Variants in CROCC2 observed in about 807,000 individuals in gnomAD.
CROCC2 encodes ciliary rootlet coiled-coil, rootletin family member 2.
CROCC2 carries 163 observed loss-of-function variants against 177.6 expected under a neutral mutation model. That is an observed-to-expected ratio of 0.92 (90% CI 0.81 to 1.05). The LOEUF (loss-of-function observed/expected upper bound fraction) is 1.05. CROCC2 is among the 50% of genes least tolerant of loss of function. CROCC2 has a pLI of 0.00. For missense variants in CROCC2, 1,929 were observed against 1,797.8 expected, an observed-to-expected ratio of 1.07 and a Z score of -1.32; for synonymous variants, 904 against 787.3, an observed-to-expected ratio of 1.15 and a Z score of -2.48.
In CROCC2 at chr2:240,911,159, A is replaced by T. The variant is rs117533493; in HGVS notation, c.78+4568A>T. Among the ~76,000 whole-genome samples, 1,979 of 152,172 alleles carry T rather than the reference A, an allele frequency of 0.013. 103 individuals carry two copies. The East Asian group carries it at 0.16, about 12-fold the overall frequency. ...AAAAATAAAATAAATTTTTAAAAAA[A>T]TTTTTCATTTTTCTTTAAATTGTGG... On this transcript the variant is annotated intron_variant, in intron 1 of 31. Transcript: ENST00000690015.
chr2:240,913,156 T>C (rs552822835), intron 1 of CROCC2, among the ~76,000 whole-genome samples: 1 of 152,134 alleles, frequency 6.6e-6, no homozygotes, highest in East Asian at 1.9e-4. Flanking sequence ...CACAGAACAT[T>C]TGAGGCCCTC....
At chr2:240,943,798 T>C (rs1217484044) in intron 14 of CROCC2, among the ~76,000 whole-genome samples, 2 of 152,176 alleles carry the variant, frequency 1.3e-5, no homozygotes, top group African/African-American at 4.8e-5. Context: ...TATTCTTGGA[T>C]ACTGAGGCTC....
chr2:240,966,022 C>G (rs537820835), intron 24 of CROCC2, 29 bp downstream of exon 24: 1 of 1,327,614 alleles, frequency 7.5e-7, no homozygotes, highest in Non-Finnish European at 9.6e-7. Flanking sequence ...GGCAGGCGGG[C>G]CCCTCTCCCA....
At position 240,958,659 on chromosome 2, in the gene CROCC2, G is replaced by C. The variant is rs1296042810; in HGVS notation, c.2944-642G>C. 2.2e-6 allele frequency: 2 copies of C among 901,834 alleles called. No homozygotes were observed. Among genetic ancestry groups the C allele is most frequent in the Non-Finnish European group, 2.7e-6 (2 of 753,738 alleles). The allele number at this position is 901,834 out of a possible 1,614,324, so 55.9% of individuals were successfully genotyped here. On this transcript the variant is annotated intron_variant, in intron 19 of 31. Coordinates refer to ENST00000690015, the MANE Select transcript of CROCC2 (RefSeq NM_001351305.2). This position sits in a 1 kb window ranked among gnomAD's most constrained non-coding sequence, Gnocchi z 6.7. ...GGGTGCAGAGCCTGAGCAGGGCAGG[G>C]CTCGGACCCTTCATGTTGAGGACAC... is the stretch of plus-strand genomic sequence containing the variant.
intron 14 of CROCC2, among the ~76,000 whole-genome samples, chr2:240,941,050 A>G (rs893977095): frequency 6.6e-6 from 1 of 152,218 alleles, no homozygotes; most frequent in African/African-American, 2.4e-5. Flanking sequence ...ACAGGGACTA[A>G]GCTGAGAATC....
chr2:240,973,079 G>A lies in CROCC2; in HGVS notation c.4401+4817G>A, dbSNP rs1312172780. 6.6e-6 allele frequency among the ~76,000 whole-genome samples: 1 copy of A among 152,202 alleles called. No homozygotes were observed. The highest frequency in any genetic ancestry group is 1.5e-5 in the Non-Finnish European group (1 of 68,046). ...TGCCAAGCTCCCGGCACAGTCTAGA[G>A]CCAGCTCTGCCTTTGACACAACTTC... On this transcript the variant is annotated intron_variant, in intron 27 of 31. Transcript: ENST00000690015. The surrounding 1 kb of genome is among the most constrained non-coding windows in gnomAD (Gnocchi z 4.7).
At position 240,906,429 on chromosome 2, in the gene CROCC2, G is replaced by A; in HGVS notation, c.-85G>A. On this transcript the variant is annotated 5_prime_UTR_variant, in exon 1 of 32. Transcript: ENST00000690015. ...GTGCCACACAGGTGTGGGGCCCGTG[G>A]ACCAAGGAAGACCCTGGCCAGTTGG... The A allele has an allele frequency of 2.5e-6, 1 of 398,780 alleles. No individual in the cohort carries two copies. The highest frequency in any genetic ancestry group is 4.4e-6 in the Non-Finnish European group (1 of 226,002). The allele number at this position is 398,780 out of a possible 1,614,324, so 24.7% of individuals were successfully genotyped here.
Position 240,982,154 on chromosome 2 carries a change from A to T in CROCC2, c.4402-726A>T, listed in dbSNP as rs2059805279. The stretch of plus-strand genomic sequence containing the variant: ...TCCTGGGGGCAGCTGGGAGCACCAC[A>T]GGCCCAGAGCAAGGCAGTGGCATGG... On this transcript the variant is annotated intron_variant, in intron 27 of 31. Coordinates refer to ENST00000690015, the MANE Select transcript of CROCC2 (RefSeq NM_001351305.2). This position sits in a 1 kb window ranked among gnomAD's most constrained non-coding sequence, Gnocchi z 4.7. The T allele has an allele frequency of 6.6e-6, 1 of 152,282 alleles. No individual in the cohort carries two copies. 9.4% of individuals were successfully genotyped at this position (152,282 alleles called of 1,614,324 possible).
chr2:240,969,539 C>A (rs889090269), intron 27 of CROCC2, among the ~76,000 whole-genome samples: 1 of 152,140 alleles, frequency 6.6e-6, no homozygotes, highest in Non-Finnish European at 1.5e-5. Context: ...AAGACCCAGG[C>A]GGCCTGGCCA....
chr2:240,910,402 T>A (rs1049639843), intron 1 of CROCC2, among the ~76,000 whole-genome samples: 1 of 148,650 alleles, frequency 6.7e-6, no homozygotes, highest in African/African-American at 2.5e-5. Flanking sequence ...TTTTGATTTG[T>A]GCTATTTTTC....
intron 22 of CROCC2, 40 bp from the exon 23 acceptor site, chr2:240,965,341 A>G (rs1043774222): frequency 4.2e-5 from 65 of 1,545,876 alleles, no homozygotes; most frequent in Non-Finnish European, 5.5e-5. Context: ...GTTCCAGCAC[A>G]GAGACCAGTG....
At chr2:240,932,973 T>A in intron 9 of CROCC2, 65 bp downstream of exon 9, 1 of 1,524,622 alleles carries the variant, frequency 6.6e-7, no homozygotes, top group Non-Finnish European at 8.8e-7. Context: ...CCCCTCAGGC[T>A]GAAGGGTAGT....
At chr2:240,947,457 G>T (rs2059530289) in intron 15 of CROCC2, among the ~76,000 whole-genome samples, 1 of 152,138 alleles carries the variant, frequency 6.6e-6, no homozygotes, top group Admixed American at 6.5e-5. Flanking sequence ...AGCCCTGCAG[G>T]CCCCAGCATC....
intron 28 of CROCC2, among the ~76,000 whole-genome samples, chr2:240,988,318 C>T (rs533148277): frequency 1.8e-4 from 28 of 152,310 alleles, no homozygotes; most frequent in Non-Finnish European, 3.5e-4. Flanking sequence ...TGTGCCTGTA[C>T]GAGCTCAGCA....
At chr2:240,963,953 G>C in intron 21 of CROCC2, 180 bp downstream of exon 21, 1 of 654,108 alleles carries the variant, frequency 1.5e-6, no homozygotes, top group Non-Finnish European at 2.6e-6. Context: ...CTGCAATGCT[G>C]GCCAGTGCGA....
chr2:240,940,910 ACT>A (rs1448990655), intron 14 of CROCC2, among the ~76,000 whole-genome samples: 1 of 152,154 alleles, frequency 6.6e-6, no homozygotes, highest in East Asian at 1.9e-4. Flanking sequence ...TCAAACTCTC[ACT>A]GTTTTCCGAT....
intron 27 of CROCC2, 138 bp downstream of exon 27, chr2:240,968,400 C>A (rs2059699215): frequency 1.7e-6 from 2 of 1,183,040 alleles, no homozygotes; most frequent in Non-Finnish European, 2.3e-6. Context: ...GTGTTCGGGG[C>A]TGGAGCCAGC....
In CROCC2 at chr2:240,960,255, G is replaced by C. The variant is rs2059622630; in HGVS notation, c.3087+811G>C. Among the ~76,000 whole-genome samples the C allele has an allele frequency of 6.6e-6, 1 of 152,236 alleles. No homozygotes were observed. Among genetic ancestry groups the C allele is most frequent in the Admixed American group, 6.5e-5 (1 of 15,290 alleles). On this transcript the variant is annotated intron_variant, in intron 20 of 31. Coordinates refer to ENST00000690015, the MANE Select transcript of CROCC2 (RefSeq NM_001351305.2). This position sits in a 1 kb window ranked among gnomAD's most constrained non-coding sequence, Gnocchi z 5.0. ...AGGAGGCGCGGACTTCACTGGGCTG[G>C]ACACTAAGGTCGGGGGAGGCTGGAT... is the stretch of plus-strand genomic sequence containing the variant.
At position 240,960,374 on chromosome 2, in the gene CROCC2, AGGAGCCACATGATGGTGACG is replaced by A. The variant is rs1374218655; in HGVS notation, c.3087+931_3087+950del. ...GCCCGAGGTTGACACGGAGGCCCCC[AGGAGCCACATGATGGTGACG>A]TGGGGTGGGGGACAGTCTTGGGCAG... On this transcript the variant is annotated intron_variant, in intron 20 of 31. Transcript: ENST00000690015. This position sits in a 1 kb window ranked among gnomAD's most constrained non-coding sequence, Gnocchi z 5.0. 2.0e-5 allele frequency among the ~76,000 whole-genome samples: 3 copies of A among 152,182 alleles called. No individual in the cohort carries two copies.
Sources: allele counts gnomAD v4.1 joint callset (sites outside exome capture counted in the v4.1 genomes callset), GRCh38; gene constraint gnomAD v4.1.1; non-coding constraint Gnocchi (gnomAD v3.1); transcripts MANE v1.5; gene names NCBI Gene and HGNC (gene_info 2026-07-23, HGNC 2026-07-21).